SH3RF3: variants seen among roughly 807,000 people sequenced by gnomAD.
The protein encoded by SH3RF3 is E3 ubiquitin-protein ligase SH3RF3.
Under a neutral mutation model 66.3 loss-of-function variants are expected in SH3RF3, and 29 were observed. The ratio of observed to expected loss-of-function variants is 0.44; its 90% CI spans 0.33 to 0.60. The LOEUF (loss-of-function observed/expected upper bound fraction) is 0.60. Among genes scored for constraint, SH3RF3 ranks in the 20% least tolerant of loss-of-function variants. The pLI, the probability that SH3RF3 is intolerant of heterozygous loss-of-function variation, is 0.04. For synonymous variants in SH3RF3, 583 were observed against 532.0 expected (o/e 1.10, Z -1.32); for missense variants, 1,194 against 1,190.9 (o/e 1.00, Z -0.04).
chr2:109,501,705 G>A lies in SH3RF3; in HGVS notation c.*34G>A, dbSNP rs1178520415. 1 of 728,008 alleles carries A rather than the reference G, an allele frequency of 1.4e-6. No homozygotes were observed. Among genetic ancestry groups the A allele is most frequent in the African/African-American group, 1.7e-5 (1 of 57,958 alleles). 45.1% of individuals were successfully genotyped at this position (728,008 alleles called of 1,614,324 possible). A position where few individuals can be genotyped will look rare whatever the true frequency, so the allele number is the denominator to read the frequency against. On this transcript the variant is annotated 3_prime_UTR_variant, in exon 10 of 10. Coordinates refer to ENST00000309415, the MANE Select transcript of SH3RF3 (RefSeq NM_001099289.3). The stretch of plus-strand genomic sequence containing the variant: ...GCTCCCTGCACCCAGCTCACAGAGG[G>A]GGAGGCCGCCTGGGAAGCTCCACGG...
Position 109,149,007 on chromosome 2 carries a change from C to G in SH3RF3, c.573+18894C>G, listed in dbSNP as rs145686817. ...TTTCCCTGTTTGCACTTCTGGCTTT[C>G]AACTGCAGATCCCCCTTTCTCTTCT... On this transcript the variant is annotated intron_variant, in intron 1 of 9. Coordinates refer to ENST00000309415, the MANE Select transcript of SH3RF3 (RefSeq NM_001099289.3). Among the ~76,000 whole-genome samples, 1,076 of 152,334 alleles carry G rather than the reference C, an allele frequency of 7.1e-3. 5 individuals are homozygous for G. Among genetic ancestry groups the G allele is most frequent in the African/African-American group, 0.024 (1,003 of 41,580 alleles).
intron 1 of SH3RF3, among the ~76,000 whole-genome samples, chr2:109,185,747 C>T (rs1365975303): frequency 1.3e-5 from 2 of 152,212 alleles, no homozygotes; most frequent in African/African-American, 4.8e-5. Flanking sequence ...CAAAACTCAT[C>T]CAGGATTTTA....
At chr2:109,427,968 C>T in intron 5 of SH3RF3, among the ~76,000 whole-genome samples, 1 of 152,260 alleles carries the variant, frequency 6.6e-6, no homozygotes, top group Non-Finnish European at 1.5e-5. Flanking sequence ...GCCTGCAGCT[C>T]CTGGTCGCCT....
intron 1 of SH3RF3, among the ~76,000 whole-genome samples, chr2:109,259,515 A>C (rs1471034157): frequency 1.3e-5 from 2 of 150,924 alleles, no homozygotes; most frequent in Non-Finnish European, 3.0e-5. Context: ...CAAAGTCAGG[A>C]CTCTCCGGGG....
In SH3RF3 at chr2:109,455,415, T is replaced by C. The variant is rs113787954; in HGVS notation, c.2148+5926T>C. ...TTTGGTCTGAAAGGAACAGAGGACC[T>C]GACAGAATGACCCATAATGACAGCA... On this transcript the variant is annotated intron_variant, in intron 8 of 9. Transcript: ENST00000309415. 1.5e-4 allele frequency among the ~76,000 whole-genome samples: 23 copies of C among 152,342 alleles called. 1 individual carries two copies. The highest frequency in any genetic ancestry group is 5.3e-4 in the African/African-American group (22 of 41,586).
intron 1 of SH3RF3, among the ~76,000 whole-genome samples, chr2:109,247,109 G>C (rs1679935907): frequency 6.6e-6 from 1 of 152,186 alleles, no homozygotes; most frequent in South Asian, 2.1e-4. Context: ...TTGGGGAATT[G>C]TAATCCCATG....
At chr2:109,462,270 G>A (rs1031358913) in intron 8 of SH3RF3, among the ~76,000 whole-genome samples, 1 of 151,366 alleles carries the variant, frequency 6.6e-6, no homozygotes, top group Non-Finnish European at 1.5e-5. Flanking sequence ...ATCTACCCCT[G>A]AGTTTCATTG....
At chr2:109,344,479 G>A (rs1682636077) in intron 1 of SH3RF3, among the ~76,000 whole-genome samples, 1 of 152,338 alleles carries the variant, frequency 6.6e-6, no homozygotes, top group East Asian at 1.9e-4. Context: ...GGCCAGCGTA[G>A]GGGACCTCGG....
At chr2:109,389,250 G>A (rs933168914) in intron 3 of SH3RF3, among the ~76,000 whole-genome samples, 11 of 151,726 alleles carry the variant, frequency 7.2e-5, no homozygotes, top group African/African-American at 2.2e-4. Context: ...AGAGGGGCAA[G>A]CGTGGGCCAG....
At chr2:109,416,722 T>C (rs1478536108) in intron 4 of SH3RF3, among the ~76,000 whole-genome samples, 1 of 151,676 alleles carries the variant, frequency 6.6e-6, no homozygotes, top group Non-Finnish European at 1.5e-5. Flanking sequence ...AGAGCAAGAC[T>C]CTGTCTCAAT....
intron 1 of SH3RF3, among the ~76,000 whole-genome samples, chr2:109,282,817 G>T (rs1466074604): frequency 2.0e-5 from 3 of 152,158 alleles, no homozygotes; most frequent in Non-Finnish European, 4.4e-5. Flanking sequence ...TCCAGGGCTG[G>T]CAGGCAGGAG....
chr2:109,418,498 G>A (rs544698356), intron 4 of SH3RF3, among the ~76,000 whole-genome samples: 1 of 152,126 alleles, frequency 6.6e-6, no homozygotes, highest in African/African-American at 2.4e-5. Flanking sequence ...AGCACCCCTC[G>A]GCTTGTGGAT....
At chr2:109,424,048 G>A (rs182603422) in intron 5 of SH3RF3, among the ~76,000 whole-genome samples, 2 of 152,198 alleles carry the variant, frequency 1.3e-5, no homozygotes, top group Admixed American at 1.3e-4. Context: ...GCAGGCCCTG[G>A]TGGTGGCAGC....
chr2:109,252,854 A>G (rs994227649), intron 1 of SH3RF3, among the ~76,000 whole-genome samples: 16 of 152,198 alleles, frequency 1.1e-4, no homozygotes, highest in Admixed American at 5.2e-4. Flanking sequence ...TTATATAGGT[A>G]TGTGAAGTAC....
intron 3 of SH3RF3, among the ~76,000 whole-genome samples, chr2:109,379,621 T>C (rs531888521): frequency 2.5e-4 from 38 of 152,350 alleles, no homozygotes; most frequent in African/African-American, 8.7e-4. Flanking sequence ...ATTTTATTTT[T>C]CTTGCTTTTC....
At chr2:109,155,412 C>T (rs1677321202) in intron 1 of SH3RF3, among the ~76,000 whole-genome samples, 1 of 152,178 alleles carries the variant, frequency 6.6e-6, no homozygotes, top group South Asian at 2.1e-4. Context: ...CTGCCATTCT[C>T]CTGCCTCGGC....
intron 1 of SH3RF3, among the ~76,000 whole-genome samples, chr2:109,239,092 A>G (rs1395943976): frequency 2.0e-5 from 3 of 152,214 alleles, no homozygotes; most frequent in African/African-American, 7.2e-5. Flanking sequence ...TGTATACAGG[A>G]GAAGACGTCC....
At chr2:109,437,540 G>T (rs1677438273) in intron 7 of SH3RF3, among the ~76,000 whole-genome samples, 1 of 152,176 alleles carries the variant, frequency 6.6e-6, no homozygotes, top group African/African-American at 2.4e-5. Context: ...CCCCATGAAT[G>T]ATTGTGGGCC....
At position 109,503,751 on chromosome 2, in the gene SH3RF3, G is replaced by A. The variant is rs746820612; in HGVS notation, c.*2080G>A. 2.6e-5 allele frequency: 4 copies of A among 152,088 alleles called. No homozygotes were observed. The highest frequency in any genetic ancestry group is 1.9e-4 in the East Asian group (1 of 5,192). 9.4% of individuals were successfully genotyped at this position (152,088 alleles called of 1,614,324 possible). ...TTTTGAAGTCTTTTTTTTAAGGCGC[G>A]CAGGTACCAAGCAACAGAATAGAGT... is the stretch of plus-strand genomic sequence containing the variant. On this transcript the variant is annotated 3_prime_UTR_variant, in exon 10 of 10. Coordinates refer to ENST00000309415, the MANE Select transcript of SH3RF3 (RefSeq NM_001099289.3).
Sources: gnomAD v4.1 joint callset for allele counts (sites outside exome capture counted in the v4.1 genomes callset) on GRCh38, gnomAD v4.1.1 for gene constraint, MANE v1.5 for transcripts, NCBI Gene and HGNC (gene_info 2026-07-23, HGNC 2026-07-21) for gene names.